The following ZNF420 variants were observed in gnomAD, a reference collection of about 807,000 sequenced individuals.
ZNF420 encodes ATM and p53-associated KZNF protein.
In ZNF420, 31 loss-of-function variants were observed where a neutral mutation model predicts 44.7. That is an observed-to-expected ratio of 0.69 (90% CI 0.52 to 0.94). The LOEUF is 0.94. Ranked by LOEUF, ZNF420 falls within the 40% of genes least tolerant of loss-of-function variation. The probability of loss-of-function intolerance (pLI) is 0.00; values close to 1 mark genes in which losing one functional copy is unlikely to be tolerated. For missense variants in ZNF420, 681 were observed against 827.9 expected, an observed-to-expected ratio of 0.82 and a Z score of 2.18; for synonymous variants, 245 against 267.4, an observed-to-expected ratio of 0.92 and a Z score of 0.82.
chr19:37,023,836 C>T (rs918968259), intron 1 of ZNF420, among the ~76,000 whole-genome samples: 2 of 151,996 alleles, frequency 1.3e-5, no homozygotes, highest in Non-Finnish European at 1.5e-5. Context: ...AAAGCCTTCC[C>T]GTGTAGTCTT....
intron 1 of ZNF420, among the ~76,000 whole-genome samples, chr19:37,009,385 T>C (rs2074551391): frequency 6.6e-6 from 1 of 152,156 alleles, no homozygotes; most frequent in Non-Finnish European, 1.5e-5. Context: ...TGCTTTGCTT[T>C]TCCTTGGCAT....
At chr19:37,091,286 T>C in intron 4 of ZNF420, 165 bp downstream of exon 4, 1 of 612,030 alleles carries the variant, frequency 1.6e-6, no homozygotes, top group Non-Finnish European at 2.6e-6. Context: ...GGCACCTTTA[T>C]CTTTTCCATC....
At chr19:37,073,163 C>A (rs1248415211) in intron 1 of ZNF420, among the ~76,000 whole-genome samples, 1 of 152,004 alleles carries the variant, frequency 6.6e-6, no homozygotes, top group Non-Finnish European at 1.5e-5. Context: ...GCCATGATTA[C>A]ACCACTGCAC....
At chr19:37,093,950 A>G (rs1568452582) in intron 4 of ZNF420, among the ~76,000 whole-genome samples, 1 of 152,208 alleles carries the variant, frequency 6.6e-6, no homozygotes, top group Admixed American at 6.5e-5. Flanking sequence ...CTCAGTGGGT[A>G]TACTAAAAGC....
chr19:37,021,741 A>T (rs2074650060), intron 1 of ZNF420, among the ~76,000 whole-genome samples: 1 of 149,694 alleles, frequency 6.7e-6, no homozygotes, highest in Admixed American at 6.7e-5. Context: ...GTTGGAGACA[A>T]GCCTGACCAA....
intron 3 of ZNF420, among the ~76,000 whole-genome samples, chr19:37,090,740 T>G (rs754888160): frequency 4.6e-5 from 7 of 151,900 alleles, no homozygotes; most frequent in Admixed American, 6.6e-5. Flanking sequence ...GCCAAGATGA[T>G]GAAACCTTAT....
intron 1 of ZNF420, among the ~76,000 whole-genome samples, chr19:37,038,179 A>G (rs1036494523): frequency 7.2e-5 from 11 of 152,220 alleles, no homozygotes; most frequent in Admixed American, 6.5e-4. Context: ...TAAGTATGCA[A>G]TAGCGTTATG....
intron 1 of ZNF420, among the ~76,000 whole-genome samples, chr19:37,030,660 A>G (rs1199971855): frequency 6.6e-6 from 1 of 152,222 alleles, no homozygotes; most frequent in East Asian, 1.9e-4. Context: ...TGCAGGTGCC[A>G]TACACACACA....
In ZNF420 at chr19:37,091,112, G is replaced by T. The variant is rs546321765; in HGVS notation, c.127G>T (p.Val43Leu). 1 of 1,584,920 alleles carries T rather than the reference G, an allele frequency of 6.3e-7. No individual in the cohort carries two copies. Among genetic ancestry groups the T allele is most frequent in the African/African-American group, 1.4e-5 (1 of 73,404 alleles). The change falls in exon 4 of 5, where the codon GTA becomes TTA. Residue 43 changes from valine to leucine, a missense_variant. By Grantham distance (32) the Val-to-Leu change is conservative. This residue lies in a region of ZNF420 where 350 missense variants were observed against 382.5 expected (regional missense o/e 0.92). Transcript: ENST00000337995. ...GATGTTGGAGAACTATAGCAACTTGGTATCACTAGGTAAGGAATCTAGCCT... is the reference window on the plus strand; with the variant it reads ...GATGTTGGAGAACTATAGCAACTTGTTATCACTAGGTAAGGAATCTAGCCT... ...DVMLENYSNL[V>L]SLDLPSRCAS...
At chr19:37,010,045 A>C (rs2592174) in intron 1 of ZNF420, among the ~76,000 whole-genome samples, 1 of 152,230 alleles carries the variant, frequency 6.6e-6, no homozygotes, top group South Asian at 2.1e-4. Context: ...TTCCAGGAGC[A>C]GAGCACGAGT....
intron 1 of ZNF420, among the ~76,000 whole-genome samples, chr19:37,059,632 C>T (rs964158435): frequency 6.6e-6 from 1 of 152,128 alleles, no homozygotes; most frequent in African/African-American, 2.4e-5. Context: ...TAGGGTGAGT[C>T]TCCGCAAAAG....
At chr19:37,075,136 C>T (rs776398510), upstream of ZNF420, 2 of 152,178 alleles carry the variant, frequency 1.3e-5, no homozygotes, top group East Asian at 1.9e-4. Flanking sequence ...GACACTATAA[C>T]GGAGCTGAAT....
chr19:37,125,068 C>T (rs1971273878), intron 4 of ZNF420, among the ~76,000 whole-genome samples: 1 of 152,102 alleles, frequency 6.6e-6, no homozygotes, highest in Admixed American at 6.5e-5. Context: ...GAACTCCTGA[C>T]CTCAAATGAT....
At position 37,029,743 on chromosome 19, in the gene ZNF420, C is replaced by G. The variant is rs183065847; in HGVS notation, c.-125+21661C>G. Among the ~76,000 whole-genome samples, 161 of 151,916 alleles carry G rather than the reference C, an allele frequency of 1.1e-3. 1 individual carries two copies. Among genetic ancestry groups the G allele is most frequent in the African/African-American group, 3.7e-3 (154 of 41,482 alleles). Reference sequence around the variant, plus strand: ...TCATCATGTTGGCCAGGCCTGATGTCGTGATCCACCCGCCTTGGCCTCCCA... The same window carrying G: ...TCATCATGTTGGCCAGGCCTGATGTGGTGATCCACCCGCCTTGGCCTCCCA... On this transcript the variant is annotated intron_variant, in intron 1 of 4. Coordinates refer to the ZNF420 transcript ENST00000587029.
In ZNF420 at chr19:37,090,570, G is replaced by A. The variant is rs570426485; in HGVS notation, c.10-425G>A. Among the ~76,000 whole-genome samples, 12 of 152,028 alleles carry A rather than the reference G, an allele frequency of 7.9e-5. No individual in the cohort carries two copies. The East Asian group carries it at 2.3e-3, about 30-fold the overall frequency. On this transcript the variant is annotated intron_variant, in intron 3 of 4. Transcript: ENST00000337995. ...ATCAGGAACATATTTGTACTTTTCA[G>A]CCCATGTGCTCTGTTGCTTCCTTTG...
upstream of ZNF420, among the ~76,000 whole-genome samples, chr19:37,073,507 G>A (rs150469303): frequency 0.017 from 2,663 of 152,190 alleles, 42 homozygotes; most frequent in Middle Eastern, 0.054. Flanking sequence ...GGGAGGCCTA[G>A]GCGGGTGGAT....
chr19:37,010,694 GGTTGTC>G (rs1330630789), intron 1 of ZNF420, among the ~76,000 whole-genome samples: 34 of 152,160 alleles, frequency 2.2e-4, no homozygotes, highest in African/African-American at 7.9e-4. Flanking sequence ...ACATGTTGCC[GGTTGTC>G]AATCGGTTTC....
At chr19:37,011,294 G>A (rs1429662583) in intron 1 of ZNF420, among the ~76,000 whole-genome samples, 2 of 152,192 alleles carry the variant, frequency 1.3e-5, no homozygotes, top group African/African-American at 4.8e-5. Flanking sequence ...ATCCATACCT[G>A]TCTCAGACAG....
intron 1 of ZNF420, among the ~76,000 whole-genome samples, chr19:37,040,001 A>G (rs566334719): frequency 6.6e-6 from 1 of 152,272 alleles, no homozygotes; most frequent in East Asian, 1.9e-4. Context: ...GAGTGCTGGG[A>G]TTACAGGCAT....
Sources: gnomAD v4.1 joint callset for allele counts (sites outside exome capture counted in the v4.1 genomes callset) on GRCh38, gnomAD v4.1.1 for gene constraint, gnomAD v4.1.1 regional missense constraint, MANE v1.5 for transcripts, NCBI Gene and HGNC (gene_info 2026-07-23, HGNC 2026-07-21) for gene names.